ANKRD30B: variants seen among roughly 807,000 people sequenced by gnomAD.
ANKRD30B encodes ankyrin repeat domain 30B.
ANKRD30B carries 144 observed loss-of-function variants against 202.2 expected under a neutral mutation model. The ratio of observed to expected loss-of-function variants is 0.71; its 90% CI spans 0.62 to 0.82. ANKRD30B has a LOEUF of 0.82. ANKRD30B is among the 40% of genes least tolerant of loss of function. The pLI is 0.00. For missense variants in ANKRD30B, 1,487 were observed against 1,669.1 expected (o/e 0.89, Z 1.90); for synonymous variants, 508 against 561.3 (o/e 0.91, Z 1.34).
rs1271736305 is a variant in ANKRD30B, at chr18:14,852,190, G to A, written c.4246G>A (p.Glu1416Lys). Reference sequence around the variant, plus strand: ...TGTGGACAAACACACTGAACAGCAGGAGTCTCTGGAGCAGAAATTATTTCA... The same window carrying A: ...TGTGGACAAACACACTGAACAGCAGAAGTCTCTGGAGCAGAAATTATTTCA... Reference protein sequence around the residue: ...DNVDKHTEQQESLEQKLFQLE... With the variant: ...DNVDKHTEQQKSLEQKLFQLE... Residue 1416 changes from glutamate to lysine, a missense_variant, in exon 42 of 44, where the codon GAG becomes AAG. Glu to Lys is a moderately conservative substitution (Grantham distance 56). This residue lies in a region of ANKRD30B where 182 missense variants were observed against 216.0 expected (regional missense o/e 0.84). Transcript: ENST00000690538. The A allele has an allele frequency of 1.3e-6, 2 of 1,593,266 alleles. No homozygotes were observed. The highest frequency in any genetic ancestry group is 1.7e-6 in the Non-Finnish European group (2 of 1,169,784).
the ANKRD30B span, among the ~76,000 whole-genome samples, chr18:14,916,162 A>T: frequency 2.0e-5 from 3 of 152,162 alleles, no homozygotes; most frequent in African/African-American, 7.2e-5. Flanking sequence ...CCTGATGGTG[A>T]TTGTAAAGTG....
In ANKRD30B at chr18:14,784,323, T is replaced by C. The variant is rs770639931; in HGVS notation, c.1571-13T>C. On this transcript the variant is annotated splice_polypyrimidine_tract_variant and intron_variant, in intron 12 of 43. Coordinates refer to ENST00000690538, the MANE Select transcript of ANKRD30B (RefSeq NM_001367607.2). Reference sequence around the variant, plus strand: ...TTACTTATGATTGATGATAAATCTCTTTTGCATTTTAGAGCTTCCTGAGAA... The same window carrying C: ...TTACTTATGATTGATGATAAATCTCCTTTGCATTTTAGAGCTTCCTGAGAA... 1.9e-6 allele frequency: 3 copies of C among 1,611,012 alleles called. No individual in the cohort carries two copies. Among genetic ancestry groups the C allele is most frequent in the South Asian group, 1.1e-5 (1 of 90,992 alleles).
the ANKRD30B span, among the ~76,000 whole-genome samples, chr18:14,866,687 G>A: frequency 6.6e-6 from 1 of 152,148 alleles, no homozygotes; most frequent in Non-Finnish European, 1.5e-5. Flanking sequence ...GGGTGGTGGT[G>A]GGGTGGGTTG....
Position 14,791,319 on chromosome 18 carries a change from A to T in ANKRD30B, c.1735-82A>T, listed in dbSNP as rs994304938. 5 of 1,197,684 alleles carry T rather than the reference A, an allele frequency of 4.2e-6. No homozygotes were observed. The East Asian group carries it at 1.2e-4, about 29-fold the overall frequency. The allele number at this position is 1,197,684 out of a possible 1,614,324, so 74.2% of individuals were successfully genotyped here. ...AAACTAGGAAATTGTGTTTTTAAAAAAGATTCTAGTTAGAAAATTTTGATA... is the reference window on the plus strand; with the variant it reads ...AAACTAGGAAATTGTGTTTTTAAAATAGATTCTAGTTAGAAAATTTTGATA... On this transcript the variant is annotated intron_variant, in intron 15 of 43. Transcript: ENST00000690538.
At chr18:14,826,728 A>ACACACACACAG (rs1186812954) in intron 32 of ANKRD30B, among the ~76,000 whole-genome samples, 2 of 33,330 alleles carry the variant, frequency 6.0e-5, no homozygotes, top group Non-Finnish European at 2.0e-4. Context: ...CACACACACA[A>ACACACACACAG]GTACAGTAAT....
At chr18:14,856,486 C>T (rs1307296082), downstream of ANKRD30B, among the ~76,000 whole-genome samples, 1 of 145,172 alleles carries the variant, frequency 6.9e-6, no homozygotes, top group African/African-American at 2.5e-5. Context: ...CTCCTCACCT[C>T]CCAGACAATG....
rs748554513 is a variant in ANKRD30B at position 14,796,182 on chromosome 18, C to G, written c.1826-39C>G. On this transcript the variant is annotated intron_variant, in intron 16 of 43. Transcript: ENST00000690538. ...CGAATGCTTGGTAGGCTTTGTCAGG[C>G]TTGCATATAATCAATTATATATGTC... is the stretch of plus-strand genomic sequence containing the variant. The G allele has an allele frequency of 5.2e-5, 80 of 1,553,110 alleles. No individual in the cohort carries two copies. In the South Asian group the frequency reaches 8.4e-4, roughly 16 times the overall value.
Position 14,821,299 on chromosome 18 carries a change from C to G in ANKRD30B, c.2642-1184C>G, listed in dbSNP as rs1301691494. On this transcript the variant is annotated intron_variant, in intron 30 of 43. Transcript: ENST00000690538. ...CTAGCGGTCTATCAATTTTGTTGAT[C>G]CTTTCAAAAAACCAGCTCCTGGATT... Among the ~76,000 whole-genome samples, 4 of 151,958 alleles carry G rather than the reference C, an allele frequency of 2.6e-5. No homozygotes were observed. In the South Asian group the frequency reaches 8.3e-4, roughly 32 times the overall value.
intron 37 of ANKRD30B, among the ~76,000 whole-genome samples, chr18:14,841,752 G>A (rs1182260263): frequency 6.6e-6 from 1 of 152,146 alleles, no homozygotes; most frequent in Admixed American, 6.6e-5. Context: ...AAATTTGAGT[G>A]AATTCACTTC....
intron 37 of ANKRD30B, 98 bp downstream of exon 37, chr18:14,840,776 A>C: frequency 3.5e-6 from 2 of 574,966 alleles, no homozygotes; most frequent in South Asian, 5.0e-5. Flanking sequence ...ATTATTTTTT[A>C]AATGCATAAC....
At chr18:14,843,826 T>A (rs1971524762) in intron 39 of ANKRD30B, among the ~76,000 whole-genome samples, 1 of 152,140 alleles carries the variant, frequency 6.6e-6, no homozygotes. Flanking sequence ...ATAATAATAA[T>A]AATAAATGGG....
In ANKRD30B at chr18:14,842,769, A is replaced by C. The variant is rs549739473; in HGVS notation, c.3080-128A>C. On this transcript the variant is annotated intron_variant, in intron 37 of 43. Transcript: ENST00000690538. ...TCCTAAAGAAACATACCGAAAGAAA[A>C]CCCCCTAAACCTAAAGGAATCATTC... is the stretch of plus-strand genomic sequence containing the variant. The C allele has an allele frequency of 2.7e-5, 23 of 849,388 alleles. No homozygotes were observed. The East Asian group carries it at 6.0e-4, about 22-fold the overall frequency. The allele number at this position is 849,388 out of a possible 1,614,324, so 52.6% of individuals were successfully genotyped here.
At chr18:14,757,507 A>G (rs1299204655) in intron 4 of ANKRD30B, among the ~76,000 whole-genome samples, 1 of 152,218 alleles carries the variant, frequency 6.6e-6, no homozygotes, top group African/African-American at 2.4e-5. Flanking sequence ...AGTATAAAAT[A>G]TTATATCAGA....
chr18:14,817,628 T>C (rs1271636911), intron 30 of ANKRD30B, among the ~76,000 whole-genome samples: 3 of 152,218 alleles, frequency 2.0e-5, no homozygotes, highest in African/African-American at 7.2e-5. Flanking sequence ...AATATTTTGG[T>C]TACATATTCA....
At chr18:14,871,674 CT>C in the ANKRD30B span, among the ~76,000 whole-genome samples, 2 of 152,156 alleles carry the variant, frequency 1.3e-5, no homozygotes, top group African/African-American at 4.8e-5. Context: ...GGGAGGATTT[CT>C]TGAGGCCAGG....
chr18:14,868,063 C>T, the ANKRD30B span, among the ~76,000 whole-genome samples: 13 of 152,192 alleles, frequency 8.5e-5, no homozygotes, highest in Non-Finnish European at 1.0e-4. Context: ...TCAACAGGAG[C>T]GGTAGGAGGG....
chr18:14,880,238 A>G, the ANKRD30B span, among the ~76,000 whole-genome samples: 1 of 152,142 alleles, frequency 6.6e-6, no homozygotes, highest in African/African-American at 2.4e-5. Flanking sequence ...CCATTGGTCT[A>G]TGTGCCTATT....
At chr18:14,907,827 C>T in the ANKRD30B span, among the ~76,000 whole-genome samples, 1 of 152,146 alleles carries the variant, frequency 6.6e-6, no homozygotes, top group Non-Finnish European at 1.5e-5. Context: ...CAAACTGACA[C>T]TCTGCCAAAC....
chr18:14,905,389 G>C, the ANKRD30B span: 2 of 152,226 alleles, frequency 1.3e-5, no homozygotes, highest in Non-Finnish European at 2.9e-5. Context: ...GCCCAAAGTT[G>C]TGGAATATTT....
Sources: gnomAD v4.1 joint callset for allele counts (sites outside exome capture counted in the v4.1 genomes callset) on GRCh38, gnomAD v4.1.1 for gene constraint, gnomAD v4.1.1 regional missense constraint, MANE v1.5 for transcripts, NCBI Gene and HGNC (gene_info 2026-07-23, HGNC 2026-07-21) for gene names.